Variants in HECW2 observed in about 807,000 individuals in gnomAD.
HECW2 encodes the protein HECT, C2 and WW domain containing E3 ubiquitin protein ligase 2, also known as E3 ubiquitin-protein ligase HECW2.
In HECW2, 61 loss-of-function variants were observed where a neutral mutation model predicts 175.2. The ratio of observed to expected loss-of-function variants is 0.35; its 90% CI spans 0.28 to 0.43. HECW2 has a LOEUF of 0.43. Ranked by LOEUF, HECW2 falls within the 20% of genes least tolerant of loss-of-function variation. The pLI is 1.00. For synonymous variants in HECW2, 671 were observed against 731.0 expected, an observed-to-expected ratio of 0.92 and a Z score of 1.32; for missense variants, 1,524 against 2,000.5, an observed-to-expected ratio of 0.76 and a Z score of 4.54.
chr2:196,405,051 T>C (rs1392214604), intron 2 of HECW2, among the ~76,000 whole-genome samples: 1 of 151,352 alleles, frequency 6.6e-6, no homozygotes, highest in African/African-American at 2.4e-5. Flanking sequence ...CAGGATGGTC[T>C]CAATCTCCTG....
At chr2:196,442,212 C>T (rs1208870142) in intron 1 of HECW2, among the ~76,000 whole-genome samples, 2 of 151,568 alleles carry the variant, frequency 1.3e-5, no homozygotes, top group Non-Finnish European at 2.9e-5. Context: ...TAATTAAAAC[C>T]TTCTTTGAAG....
Position 196,543,848 on chromosome 2 carries a change from G to A in HECW2, c.-36+49660C>T, listed in dbSNP as rs547578427. On this transcript the variant is annotated intron_variant, in intron 1 of 28. Transcript: ENST00000644978. ...AGGCTGGTCTCGAATTCCAGACCTC[G>A]TGATCTGCCCGCCTCGGCCTCCCAA... is the stretch of plus-strand genomic sequence containing the variant. Among the ~76,000 whole-genome samples the A allele has an allele frequency of 3.3e-5, 5 of 152,302 alleles. No individual in the cohort carries two copies. The East Asian group carries it at 9.7e-4, about 29-fold the overall frequency.
chr2:196,466,690 T>C (rs1205047462), intron 1 of HECW2, among the ~76,000 whole-genome samples: 1 of 152,156 alleles, frequency 6.6e-6, no homozygotes, highest in African/African-American at 2.4e-5. Flanking sequence ...TAATTGATGA[T>C]TATGATTTTA....
At chr2:196,486,274 C>A (rs1210994365) in intron 1 of HECW2, among the ~76,000 whole-genome samples, 2 of 152,196 alleles carry the variant, frequency 1.3e-5, no homozygotes, top group East Asian at 1.9e-4. Context: ...TTTCTCTATG[C>A]AAACTAAATG....
intron 4 of HECW2, among the ~76,000 whole-genome samples, chr2:196,333,257 G>A (rs539543856): frequency 2.2e-4 from 33 of 152,038 alleles, no homozygotes; most frequent in African/African-American, 6.5e-4. Flanking sequence ...CAATGACGGC[G>A]TTTTTCTTCA....
intron 14 of HECW2, among the ~76,000 whole-genome samples, chr2:196,281,313 C>A (rs1172886354): frequency 1.3e-5 from 2 of 151,986 alleles, no homozygotes; most frequent in Admixed American, 1.3e-4. Flanking sequence ...TACAAGGAGA[C>A]AACTAACAAT....
At chr2:196,504,297 A>G (rs1286711286) in intron 1 of HECW2, among the ~76,000 whole-genome samples, 4 of 142,976 alleles carry the variant, frequency 2.8e-5, no homozygotes, top group African/African-American at 8.4e-5. Flanking sequence ...CTCTGTCTCA[A>G]AAAAAAAAAA....
At chr2:196,436,391 A>C (rs1695875103) in intron 1 of HECW2, among the ~76,000 whole-genome samples, 1 of 114,016 alleles carries the variant, frequency 8.8e-6, no homozygotes, top group African/African-American at 3.5e-5. Flanking sequence ...ACAGAGCGAG[A>C]CTCCATCTCA....
At chr2:196,278,913 C>T (rs1336518390) in intron 14 of HECW2, among the ~76,000 whole-genome samples, 4 of 152,014 alleles carry the variant, frequency 2.6e-5, no homozygotes, top group East Asian at 1.9e-4. Context: ...AAATGCTCCA[C>T]GAGATAGTCA....
rs373118073 is a variant in HECW2, at chr2:196,319,342, C to G, written c.1548G>C (p.Glu516Asp). 3.7e-6 allele frequency: 6 copies of G among 1,614,060 alleles called. No individual in the cohort carries two copies. Among genetic ancestry groups the G allele is most frequent in the Non-Finnish European group, 5.1e-6 (6 of 1,180,038 alleles). ...AAGCAGCTTCGTGTGTGGAGGCTTC[C>G]TCATTCTCAACAGGGTTGTCCTCCA... ...TKLEDNPVEN[E>D]EASTHEAASF... Residue 516 changes from glutamate to aspartate, a missense_variant, in exon 9 of 29, where the codon GAG becomes GAC. Coordinates refer to ENST00000644978, the MANE Select transcript of HECW2 (RefSeq NM_001348768.2).
intron 14 of HECW2, among the ~76,000 whole-genome samples, chr2:196,284,918 A>G (rs1690326369): frequency 6.6e-6 from 1 of 152,228 alleles, no homozygotes; most frequent in Non-Finnish European, 1.5e-5. Context: ...CAAATTTTGA[A>G]CAATATTGAT....
rs78235378 is a variant in HECW2, at chr2:196,495,648, G to C, written c.-35-62190C>G. 8.2e-3 allele frequency among the ~76,000 whole-genome samples: 1,248 copies of C among 152,250 alleles called. 17 individuals carry two copies. The highest frequency in any genetic ancestry group is 0.01 in the Non-Finnish European group (707 of 68,016). ...CCAGACAGCATGTGCAAAGGCTTCT[G>C]CTCAGAGAGCCTGCCTTTATGTTAG... On this transcript the variant is annotated intron_variant, in intron 1 of 28. Coordinates refer to ENST00000644978, the MANE Select transcript of HECW2 (RefSeq NM_001348768.2).
intron 1 of HECW2, among the ~76,000 whole-genome samples, chr2:196,479,601 G>A (rs1376704116): frequency 2.4e-4 from 37 of 152,252 alleles, no homozygotes; most frequent in Non-Finnish European, 2.2e-4. Flanking sequence ...CATTGGCTGA[G>A]TCTCCACTCA....
At chr2:196,468,090 G>A (rs1003611771) in intron 1 of HECW2, among the ~76,000 whole-genome samples, 2 of 152,088 alleles carry the variant, frequency 1.3e-5, no homozygotes, top group Non-Finnish European at 2.9e-5. Flanking sequence ...CACCTCCCAG[G>A]TCCAAGCAAT....
intron 21 of HECW2, among the ~76,000 whole-genome samples, chr2:196,235,961 C>T (rs1278043696): frequency 6.6e-6 from 1 of 151,914 alleles, no homozygotes; most frequent in African/African-American, 2.4e-5. Flanking sequence ...CCGGCCGATG[C>T]GTTATTCTTT....
intron 14 of HECW2, among the ~76,000 whole-genome samples, chr2:196,283,609 G>A (rs1690272223): frequency 6.6e-6 from 1 of 152,060 alleles, no homozygotes; most frequent in African/African-American, 2.4e-5. Context: ...TTGAACTCCT[G>A]ACCTCAGGTG....
At chr2:196,243,907 G>C (rs10189799) in intron 19 of HECW2, among the ~76,000 whole-genome samples, 20,879 of 152,124 alleles carry the variant, frequency 0.14, 1,958 homozygotes, top group African/African-American at 0.26. Flanking sequence ...AGAAAAATCT[G>C]GTTTTGTGTC....
chr2:196,234,776 T>C (rs957298168), intron 21 of HECW2, among the ~76,000 whole-genome samples: 2 of 152,198 alleles, frequency 1.3e-5, no homozygotes, highest in Non-Finnish European at 2.9e-5. Flanking sequence ...AGTAGACTGA[T>C]GCCCAGCAGA....
At chr2:196,519,683 T>A (rs1688280817) in intron 1 of HECW2, among the ~76,000 whole-genome samples, 2 of 152,182 alleles carry the variant, frequency 1.3e-5, no homozygotes, top group Admixed American at 1.3e-4. Flanking sequence ...ATTTCTGACA[T>A]TTACCTTTGT....
Sources: allele counts gnomAD v4.1 joint callset (sites outside exome capture counted in the v4.1 genomes callset), GRCh38; gene constraint gnomAD v4.1.1; transcripts MANE v1.5; gene names NCBI Gene and HGNC (gene_info 2026-07-23, HGNC 2026-07-21).